TENM2: variants seen among roughly 807,000 people sequenced by gnomAD.
TENM2 encodes the protein teneurin-2.
TENM2 carries 52 observed loss-of-function variants against 245.2 expected under a neutral mutation model. That is an observed-to-expected ratio of 0.21 (90% CI 0.17 to 0.27). TENM2 has a LOEUF of 0.27. TENM2 is among the 10% of genes least tolerant of loss of function. The pLI, the probability that TENM2 is intolerant of heterozygous loss-of-function variation, is 1.00. For missense variants in TENM2, 3,046 were observed against 3,666.8 expected, an observed-to-expected ratio of 0.83 and a Z score of 4.37; for synonymous variants, 1,363 against 1,438.9, an observed-to-expected ratio of 0.95 and a Z score of 1.19.
At chr5:167,725,072 T>C (rs1056842067) in intron 2 of TENM2, among the ~76,000 whole-genome samples, 18 of 152,324 alleles carry the variant, frequency 1.2e-4, no homozygotes, top group South Asian at 6.2e-4. Flanking sequence ...CAAAGTTATG[T>C]TCAAATAGTT....
At position 167,690,920 on chromosome 5, in the gene TENM2, AGTATGTGTGTGTGTGT is replaced by A. The variant is rs1480889177; in HGVS notation, c.503-185063_503-185048del. On this transcript the variant is annotated intron_variant, in intron 2 of 28. Coordinates refer to ENST00000518659, the Ensembl canonical transcript of TENM2. ...ATTTGTATATATATCCGTATATGCG[AGTATGTGTGTGTGTGT>A]GTGTGTGTGTGTGTGTGTGTGTGTG... Among the ~76,000 whole-genome samples, 171 of 136,534 alleles carry A rather than the reference AGTATGTGTGTGTGTGT, an allele frequency of 1.3e-3. 3 individuals are homozygous for A. Among genetic ancestry groups the A allele is most frequent in the East Asian group, 0.011 (52 of 4,936 alleles). 89.6% of individuals were successfully genotyped at this position (136,534 alleles called of 152,430 possible). A position where few individuals can be genotyped will look rare whatever the true frequency, so the allele number is the denominator to read the frequency against.
At chr5:167,728,145 C>G (rs1237948481) in intron 2 of TENM2, among the ~76,000 whole-genome samples, 1 of 152,150 alleles carries the variant, frequency 6.6e-6, no homozygotes, top group Non-Finnish European at 1.5e-5. Flanking sequence ...TCTTGAAATT[C>G]TTTTCCTCCA....
chr5:168,231,842 T>C (rs949848592), intron 25 of TENM2, among the ~76,000 whole-genome samples: 3 of 150,870 alleles, frequency 2.0e-5, no homozygotes, highest in Admixed American at 6.6e-5. Context: ...ATGCCTATAA[T>C]CCTAGCACTT....
At chr5:168,102,725 T>A (rs1210099173) in intron 9 of TENM2, among the ~76,000 whole-genome samples, 1 of 152,196 alleles carries the variant, frequency 6.6e-6, no homozygotes, top group Non-Finnish European at 1.5e-5. Flanking sequence ...AAAAATCCAA[T>A]GATTAGCACT....
At chr5:167,641,227 A>G (rs2150250997) in intron 2 of TENM2, among the ~76,000 whole-genome samples, 1 of 152,230 alleles carries the variant, frequency 6.6e-6, no homozygotes, top group South Asian at 2.1e-4. Context: ...CTCAAAATCT[A>G]AAAAATTAAA....
chr5:168,129,753 AT>A (rs1379640375), intron 12 of TENM2: 1 of 152,178 alleles, frequency 6.6e-6, no homozygotes, highest in African/African-American at 2.4e-5. Flanking sequence ...CTGTCATTTC[AT>A]TTAAAGTAAA....
intron 2 of TENM2, among the ~76,000 whole-genome samples, chr5:167,632,454 C>T (rs2219498): frequency 0.36 from 54,308 of 152,108 alleles, 11,089 homozygotes; most frequent in Non-Finnish European, 0.47. Context: ...CTCAGCACTA[C>T]ATATTAAATC....
At chr5:167,325,010 T>C (rs530218127) in intron 1 of TENM2, among the ~76,000 whole-genome samples, 1 of 152,284 alleles carries the variant, frequency 6.6e-6, no homozygotes, top group Non-Finnish European at 1.5e-5. Flanking sequence ...GTATTAGTTA[T>C]GGTGATGCTG....
intron 3 of TENM2, among the ~76,000 whole-genome samples, chr5:167,920,203 T>G (rs906865108): frequency 7.2e-5 from 11 of 151,798 alleles, no homozygotes; most frequent in African/African-American, 2.7e-4. Flanking sequence ...TAAAAAATAT[T>G]TGTATGGGCC....
intron 2 of TENM2, among the ~76,000 whole-genome samples, chr5:167,563,014 GT>G (rs1336824140): frequency 1.3e-5 from 2 of 150,980 alleles, no homozygotes; most frequent in Non-Finnish European, 3.0e-5. Flanking sequence ...TGATCTACAT[GT>G]TTATGGAGCC....
intron 25 of TENM2, among the ~76,000 whole-genome samples, chr5:168,236,295 C>A (rs954391811): frequency 6.6e-6 from 1 of 152,116 alleles, no homozygotes; most frequent in African/African-American, 2.4e-5. Context: ...CTGGGCTGAG[C>A]CTCCATACCA....
the TENM2 span, among the ~76,000 whole-genome samples, chr5:167,010,807 A>C: frequency 6.6e-6 from 1 of 152,210 alleles, no homozygotes; most frequent in Non-Finnish European, 1.5e-5. Context: ...TTAATATGAT[A>C]GTGGTGAAGA....
At chr5:168,262,000 A>C in intron 28 of TENM2, 49 bp from the exon 31 acceptor site, 1 of 1,570,942 alleles carries the variant, frequency 6.4e-7, no homozygotes, top group Non-Finnish European at 8.7e-7. Flanking sequence ...TTTTTGAGAG[A>C]GCTGCCCAGC....
At chr5:168,027,181 C>T (rs866870471) in intron 5 of TENM2, among the ~76,000 whole-genome samples, 19 of 152,210 alleles carry the variant, frequency 1.2e-4, no homozygotes, top group African/African-American at 4.1e-4. Flanking sequence ...TACCGTCACC[C>T]ACTGAGACTT....
the TENM2 span, among the ~76,000 whole-genome samples, chr5:167,063,620 T>G: frequency 6.6e-6 from 1 of 152,354 alleles, no homozygotes; most frequent in South Asian, 2.1e-4. Flanking sequence ...GTAAGTGGTA[T>G]ATTTGAACTA....
intron 7 of TENM2, among the ~76,000 whole-genome samples, chr5:168,065,344 A>G (rs144862691): frequency 2.2e-3 from 329 of 152,312 alleles, no homozygotes; most frequent in African/African-American, 7.6e-3. Context: ...AACATTGCAT[A>G]GGAGAAAATG....
intron 2 of TENM2, among the ~76,000 whole-genome samples, chr5:167,861,117 G>T (rs574273639): frequency 6.7e-6 from 1 of 149,716 alleles, no homozygotes; most frequent in South Asian, 2.1e-4. Flanking sequence ...CCTAGCAATC[G>T]CTCACTTGGC....
upstream of TENM2, among the ~76,000 whole-genome samples, chr5:167,283,268 T>C (rs946289928): frequency 1.3e-5 from 2 of 152,008 alleles, no homozygotes; most frequent in Admixed American, 6.6e-5. Flanking sequence ...AACCTGGTCT[T>C]GAACTCCTAA....
chr5:167,530,880 T>C (rs773302031), intron 2 of TENM2, among the ~76,000 whole-genome samples: 34 of 152,310 alleles, frequency 2.2e-4, no homozygotes, highest in Non-Finnish European at 3.4e-4. Flanking sequence ...GCAGTCCCGC[T>C]AGAAGCCCAG....
Sources: allele counts gnomAD v4.1 joint callset (sites outside exome capture counted in the v4.1 genomes callset), GRCh38; gene constraint gnomAD v4.1.1; transcripts MANE v1.5; gene names NCBI Gene and HGNC (gene_info 2026-07-23, HGNC 2026-07-21).